The following INO80 variants were observed in gnomAD, a reference collection of about 807,000 sequenced individuals.
INO80 encodes chromatin-remodeling ATPase INO80.
Under a neutral mutation model 203.4 loss-of-function variants are expected in INO80, and 20 were observed. The ratio of observed to expected loss-of-function variants is 0.10; its 90% confidence interval spans 0.07 to 0.14. INO80 has a LOEUF of 0.14. INO80 is among the 10% of genes least tolerant of loss of function. INO80 has a pLI of 1.00. For missense variants in INO80, 1,419 were observed against 1,914.4 expected, an observed-to-expected ratio of 0.74 and a Z score of 4.83; for synonymous variants, 726 against 685.2, an observed-to-expected ratio of 1.06 and a Z score of -0.93.
intron 31 of INO80, among the ~76,000 whole-genome samples, chr15:40,986,164 C>CT (rs1185581525): frequency 1.3e-5 from 2 of 152,094 alleles, no homozygotes; most frequent in Non-Finnish European, 2.9e-5. Context: ...CAGCTGCGTG[C>CT]TTCTCCAACT....
At chr15:41,076,198 T>C (rs1168857582) in intron 9 of INO80, among the ~76,000 whole-genome samples, 1 of 151,856 alleles carries the variant, frequency 6.6e-6, no homozygotes, top group Non-Finnish European at 1.5e-5. Context: ...TCGTCTCTGA[T>C]AAAAATACAA....
chr15:41,065,145 A>G (rs1461716180), intron 14 of INO80, among the ~76,000 whole-genome samples: 1 of 152,168 alleles, frequency 6.6e-6, no homozygotes, highest in African/African-American at 2.4e-5. Flanking sequence ...GCCATTCAAA[A>G]ACAGGTAGCA....
At chr15:41,113,615 T>A (rs576872491) in intron 1 of INO80, among the ~76,000 whole-genome samples, 1 of 152,134 alleles carries the variant, frequency 6.6e-6, no homozygotes, top group South Asian at 2.1e-4. Flanking sequence ...TTATAATTAG[T>A]TTTGTTTTGT....
chr15:41,074,906 G>T (rs936208372), intron 9 of INO80, among the ~76,000 whole-genome samples: 1 of 151,998 alleles, frequency 6.6e-6, no homozygotes, highest in African/African-American at 2.4e-5. Flanking sequence ...CACTAAACTC[G>T]GCTAATTTGT....
At position 41,073,428 on chromosome 15, in the gene INO80, C is replaced by G; in HGVS notation, c.1395G>C (p.Arg465=). The change falls in exon 11 of 36, where the codon CGG becomes CGC. Residue 465 remains arginine (R), a splice_region_variant and synonymous_variant. Transcript: ENST00000648947. ...TAAACCTTTCTATCTGAAGACTCAC[C>G]CGAGCTTGGTGAATATGGTAAGCAT... The part of the protein sequence containing the change: ...AENAYHIHQA[R]TRSFDEDAKE... The G allele has an allele frequency of 1.2e-6, 2 of 1,613,726 alleles. No individual in the cohort carries two copies. The highest frequency in any genetic ancestry group is 1.7e-6 in the Non-Finnish European group (2 of 1,179,688).
chr15:41,054,001 G>T lies in INO80; in HGVS notation c.2202C>A (p.Arg734=), dbSNP rs746213303. 3 of 1,613,528 alleles carry T rather than the reference G, an allele frequency of 1.9e-6. No homozygotes were observed. Among genetic ancestry groups the T allele is most frequent in the Non-Finnish European group, 2.5e-6 (3 of 1,179,702 alleles). The change falls in exon 19 of 36, where the codon CGC becomes CGA. Residue 734 remains arginine, a synonymous_variant. Transcript: ENST00000648947. The part of the protein sequence containing the change: ...KSAIDENQLS[R]LHMILKPFML... ...TAAATGGCTTCAAAATCATGTGTAA[G>T]CGAGAAAGTTGATCTGAAATGCCGG...
In INO80 at chr15:41,028,021, T is replaced by C. The variant is rs544334555; in HGVS notation, c.2908-285A>G. On this transcript the variant is annotated intron_variant, in intron 24 of 35. Transcript: ENST00000648947. ...AATCAAAAACAGGCACAGCAAAACT[T>C]CATTAGACAAATCACTTGTATGGGA... The C allele has an allele frequency of 1.4e-5, 3 of 215,658 alleles. No individual in the cohort carries two copies. In the South Asian group the frequency reaches 3.2e-4, roughly 23 times the overall value. 13.4% of individuals were successfully genotyped at this position (215,658 alleles called of 1,614,324 possible). A position where few individuals can be genotyped will look rare whatever the true frequency, so the allele number is the denominator to read the frequency against.
At chr15:41,066,809 CAGA>C (rs2045225678) in intron 14 of INO80, among the ~76,000 whole-genome samples, 1 of 91,742 alleles carries the variant, frequency 1.1e-5, no homozygotes, top group Non-Finnish European at 2.0e-5. Context: ...CCTTGGGAGA[CAGA>C]AGGAGAAAAT....
intron 28 of INO80, among the ~76,000 whole-genome samples, chr15:41,001,113 G>A (rs994739804): frequency 6.6e-6 from 1 of 152,134 alleles, no homozygotes; most frequent in South Asian, 2.1e-4. Context: ...ACTGAATAAC[G>A]CTATAATAGT....
chr15:41,051,995 C>A (rs978573904), intron 19 of INO80, among the ~76,000 whole-genome samples: 4 of 151,810 alleles, frequency 2.6e-5, no homozygotes, highest in Admixed American at 2.6e-4. Context: ...AAAAATTAGC[C>A]AGGCATGGTG....
At chr15:41,091,362 G>T (rs1238207817) in intron 5 of INO80, among the ~76,000 whole-genome samples, 1 of 151,902 alleles carries the variant, frequency 6.6e-6, no homozygotes, top group Non-Finnish European at 1.5e-5. Context: ...ACCCAGTCAG[G>T]AATTTTCTCT....
chr15:41,002,108 T>G (rs537388947), intron 28 of INO80, among the ~76,000 whole-genome samples: 143 of 152,292 alleles, frequency 9.4e-4, no homozygotes, highest in Non-Finnish European at 1.7e-3. Context: ...GAAGGAGACT[T>G]TAGTCTCTTT....
At chr15:41,042,016 T>TC (rs1491292743) in intron 24 of INO80, among the ~76,000 whole-genome samples, 2 of 33,700 alleles carry the variant, frequency 5.9e-5, no homozygotes, top group Non-Finnish European at 1.1e-4. Context: ...TAATTTTTAA[T>TC]TTTTTTTTTT....
At chr15:41,080,898 T>C in intron 8 of INO80, 122 bp downstream of exon 8, 1 of 701,784 alleles carries the variant, frequency 1.4e-6, no homozygotes, top group Non-Finnish European at 2.6e-6. Flanking sequence ...AGAAACTCTC[T>C]TACGAACTAT....
At position 40,983,818 on chromosome 15, in the gene INO80, G is replaced by C; in HGVS notation, c.4181C>G (p.Ser1394Cys). ...VDDPASSAPQSRATNSPASIT... is the reference protein window; with the variant it reads ...VDDPASSAPQCRATNSPASIT... ...GGATGCGGGAGAGTTGGTAGCTCGA[G>C]ACTGAGGGGCTGAGGAGGCTGGGTC... Residue 1394 changes from serine to cysteine, a missense_variant, in exon 34 of 36, where the codon TCT becomes TGT. Ser to Cys is a moderately radical substitution (Grantham distance 112, BLOSUM62 -1). Coordinates refer to ENST00000648947, the MANE Select transcript of INO80 (RefSeq NM_017553.3). 1 of 1,612,880 alleles carries C rather than the reference G, an allele frequency of 6.2e-7. No individual in the cohort carries two copies. The highest frequency in any genetic ancestry group is 8.5e-7 in the Non-Finnish European group (1 of 1,180,020).
At chr15:41,060,786 T>A (rs1041204382) in intron 14 of INO80, among the ~76,000 whole-genome samples, 1 of 151,880 alleles carries the variant, frequency 6.6e-6, no homozygotes, top group African/African-American at 2.4e-5. Flanking sequence ...ATAATTTGCA[T>A]CCCCACCAAC....
At position 41,108,502 on chromosome 15, in the gene INO80, G is replaced by A. The variant is rs1355004436; in HGVS notation, c.-44+7471C>T. On this transcript the variant is annotated intron_variant, in intron 1 of 35. Coordinates refer to ENST00000648947, the MANE Select transcript of INO80 (RefSeq NM_017553.3). ...AGCTACTTGGGAGGCTGAGGCAGGAGAATGGCATGAACTCGGGAGGCGGAG... is the reference window on the plus strand; with the variant it reads ...AGCTACTTGGGAGGCTGAGGCAGGAAAATGGCATGAACTCGGGAGGCGGAG... Among the ~76,000 whole-genome samples, 5 of 149,158 alleles carry A rather than the reference G, an allele frequency of 3.4e-5. No individual in the cohort carries two copies. The East Asian group carries it at 1.0e-3, about 30-fold the overall frequency.
chr15:41,114,278 A>AC (rs1348390503), intron 1 of INO80, among the ~76,000 whole-genome samples: 2 of 151,990 alleles, frequency 1.3e-5, no homozygotes, highest in East Asian at 3.9e-4. Flanking sequence ...AAAAACAAAA[A>AC]AAAAAAAACA....
chr15:41,089,468 G>C lies in INO80; in HGVS notation c.538-1786C>G, dbSNP rs1181046329. Reference sequence around the variant, plus strand: ...CCACACTTGTAGAAATAGTCAGAAGGCGGCTGGGCGGGGTGGCTCACCCCT... The same window carrying C: ...CCACACTTGTAGAAATAGTCAGAAGCCGGCTGGGCGGGGTGGCTCACCCCT... On this transcript the variant is annotated intron_variant, in intron 5 of 35. Transcript: ENST00000648947. 2.0e-5 allele frequency among the ~76,000 whole-genome samples: 3 copies of C among 152,200 alleles called. No individual in the cohort carries two copies. The East Asian group carries it at 5.8e-4, about 29-fold the overall frequency.
Sources: gnomAD v4.1 joint callset for allele counts (sites outside exome capture counted in the v4.1 genomes callset) on GRCh38, gnomAD v4.1.1 for gene constraint, MANE v1.5 for transcripts, NCBI Gene and HGNC (gene_info 2026-07-23, HGNC 2026-07-21) for gene names.